The following CAMTA1 variants were observed in gnomAD, a reference collection of about 807,000 sequenced individuals.
The protein encoded by CAMTA1 is calmodulin binding transcription activator 1.
In CAMTA1, 27 loss-of-function variants were observed where a neutral mutation model predicts 170.9. The ratio of observed to expected loss-of-function variants is 0.16; its 90% CI spans 0.12 to 0.22. The LOEUF (loss-of-function observed/expected upper bound fraction) is 0.22. CAMTA1 is among the 10% of genes least tolerant of loss of function. CAMTA1 has a pLI of 1.00. For synonymous variants in CAMTA1, 833 were observed against 891.5 expected, an observed-to-expected ratio of 0.93 and a Z score of 1.17; for missense variants, 1,619 against 2,217.2, an observed-to-expected ratio of 0.73 and a Z score of 5.42.
intron 5 of CAMTA1, among the ~76,000 whole-genome samples, chr1:7,335,647 T>A (rs2083334822): frequency 6.6e-6 from 1 of 152,098 alleles, no homozygotes; most frequent in African/African-American, 2.4e-5. Context: ...AGGCCAGGAT[T>A]TATACTCAGA....
At chr1:7,484,956 C>G (rs2093598230) in intron 6 of CAMTA1, among the ~76,000 whole-genome samples, 1 of 152,140 alleles carries the variant, frequency 6.6e-6, no homozygotes, top group African/African-American at 2.4e-5. Flanking sequence ...CCCACCAGGC[C>G]ACTGCTTCCA....
chr1:6,929,553 C>CG (rs1684004186), intron 3 of CAMTA1, among the ~76,000 whole-genome samples: 1 of 152,164 alleles, frequency 6.6e-6, no homozygotes, highest in Non-Finnish European at 1.5e-5. Context: ...TTGGTAGAGA[C>CG]GGGGTTTCAC....
At chr1:7,672,332 C>G (rs576743990) in intron 10 of CAMTA1, among the ~76,000 whole-genome samples, 1 of 152,290 alleles carries the variant, frequency 6.6e-6, no homozygotes, top group African/African-American at 2.4e-5. Context: ...CTGCCACCAC[C>G]ACCCCACCCT....
chr1:6,853,436 A>C (rs1047644114), intron 3 of CAMTA1, among the ~76,000 whole-genome samples: 2 of 152,174 alleles, frequency 1.3e-5, no homozygotes, highest in Admixed American at 6.5e-5. Flanking sequence ...GTAATTAACA[A>C]ATTAATAGAG....
At position 7,397,758 on chromosome 1, in the gene CAMTA1, T is replaced by C. The variant is rs1312884626; in HGVS notation, c.439-70072T>C. Among the ~76,000 whole-genome samples, 4 of 152,138 alleles carry C rather than the reference T, an allele frequency of 2.6e-5. No individual in the cohort carries two copies. The East Asian group carries it at 7.7e-4, about 29-fold the overall frequency. The stretch of plus-strand genomic sequence containing the variant: ...ATCCATTGGTAATTCATGGGCGTGT[T>C]GTTTAATTTTCATGTATTCATATGG... On this transcript the variant is annotated intron_variant, in intron 5 of 22. Transcript: ENST00000303635.
At position 7,300,866 on chromosome 1, in the gene CAMTA1, A is replaced by C. The variant is rs1412052936; in HGVS notation, c.438+51240A>C. On this transcript the variant is annotated intron_variant, in intron 5 of 22. Coordinates refer to ENST00000303635, the MANE Select transcript of CAMTA1 (RefSeq NM_015215.4). The surrounding 1 kb of genome is among the most constrained non-coding windows in gnomAD (Gnocchi z 4.1). ...TGCACTCAAAGTAAATATTAATTCC[A>C]TTATGCCATAAACTTTTATTTATCA... Among the ~76,000 whole-genome samples the C allele has an allele frequency of 6.6e-6, 1 of 152,198 alleles. No homozygotes were observed. Among genetic ancestry groups the C allele is most frequent in the African/African-American group, 2.4e-5 (1 of 41,446 alleles).
intron 4 of CAMTA1, among the ~76,000 whole-genome samples, chr1:7,110,110 G>A (rs1643921854): frequency 6.6e-6 from 1 of 152,170 alleles, no homozygotes; most frequent in Non-Finnish European, 1.5e-5. Context: ...CCTGGATCGT[G>A]TTCCTGGGCT....
chr1:6,819,281 G>T (rs1040810227), intron 1 of CAMTA1, among the ~76,000 whole-genome samples: 3 of 150,904 alleles, frequency 2.0e-5, no homozygotes, highest in Admixed American at 6.7e-5. Context: ...AAAATAATTG[G>T]CCGTCAATAT....
intron 4 of CAMTA1, among the ~76,000 whole-genome samples, chr1:7,196,766 CT>C (rs1186306387): frequency 6.6e-6 from 1 of 152,164 alleles, no homozygotes; most frequent in African/African-American, 2.4e-5. Flanking sequence ...TCTCTCATGT[CT>C]AGGAGTAAGA....
chr1:6,786,724 C>G lies in CAMTA1; in HGVS notation c.45+1149C>G, dbSNP rs1433599373. 2.6e-5 allele frequency among the ~76,000 whole-genome samples: 4 copies of G among 152,100 alleles called. No homozygotes were observed. The South Asian group carries it at 6.2e-4, about 24-fold the overall frequency. ...TGGAGACAACTGGACGTTCACCGTG[C>G]TCCTTTCGCCATTTGTGTGTCTACA... On this transcript the variant is annotated intron_variant, in intron 1 of 22. Transcript: ENST00000303635.
intron 3 of CAMTA1, among the ~76,000 whole-genome samples, chr1:6,979,837 C>T (rs1028845631): frequency 2.0e-5 from 3 of 151,404 alleles, no homozygotes; most frequent in Admixed American, 6.6e-5. Context: ...ACTGTCCTCT[C>T]ATGGTGGTGT....
intron 3 of CAMTA1, among the ~76,000 whole-genome samples, chr1:6,880,762 G>A (rs1245346375): frequency 6.6e-6 from 1 of 151,942 alleles, no homozygotes; most frequent in Admixed American, 6.6e-5. Flanking sequence ...GGAGTGTTCT[G>A]CCCACCCCAG....
At chr1:7,407,108 C>T (rs1016214997) in intron 5 of CAMTA1, among the ~76,000 whole-genome samples, 12 of 152,204 alleles carry the variant, frequency 7.9e-5, no homozygotes, top group African/African-American at 1.9e-4. Flanking sequence ...TGAAGGCAGG[C>T]GGCCAAGCAG....
At chr1:7,204,790 T>C (rs1657363053) in intron 4 of CAMTA1, among the ~76,000 whole-genome samples, 2 of 150,296 alleles carry the variant, frequency 1.3e-5, no homozygotes, top group Non-Finnish European at 3.0e-5. Context: ...ATTATTGTTA[T>C]TATTTTGGGT....
intron 4 of CAMTA1, among the ~76,000 whole-genome samples, chr1:7,121,983 C>G (rs1283337032): frequency 1.3e-5 from 2 of 151,980 alleles, no homozygotes; most frequent in African/African-American, 4.8e-5. Flanking sequence ...GTCAGTCACT[C>G]CCCCTGGCTC....
intron 5 of CAMTA1, among the ~76,000 whole-genome samples, chr1:7,343,666 TC>T (rs1447048373): frequency 1.3e-5 from 2 of 152,210 alleles, no homozygotes; most frequent in Non-Finnish European, 2.9e-5. Flanking sequence ...CCAAAGGTCA[TC>T]ACAACCCTGA....
chr1:7,197,628 CCACACACACACACACACA>C lies in CAMTA1; in HGVS notation c.303-51830_303-51813del, dbSNP rs3222484. Among the ~76,000 whole-genome samples, 359 of 109,872 alleles carry C rather than the reference CCACACACACACACACACA, an allele frequency of 3.3e-3. 2 individuals are homozygous for C. The highest frequency in any genetic ancestry group is 9.4e-3 in the African/African-American group (304 of 32,494). The allele number at this position is 109,872 out of a possible 152,430, so 72.1% of individuals were successfully genotyped here. On this transcript the variant is annotated intron_variant, in intron 4 of 22. Transcript: ENST00000303635. ...AGGACACTCAAATTATTGTCCCCCA[CCACACACACACACACACA>C]CACACACACACACACACACACACAC...
At chr1:6,898,423 G>A (rs1313027830) in intron 3 of CAMTA1, among the ~76,000 whole-genome samples, 1 of 152,124 alleles carries the variant, frequency 6.6e-6, no homozygotes, top group African/African-American at 2.4e-5. Flanking sequence ...CATGGTGGCG[G>A]GTGCCTGTAG....
At chr1:7,558,975 C>T (rs980387258) in intron 6 of CAMTA1, among the ~76,000 whole-genome samples, 8 of 152,310 alleles carry the variant, frequency 5.3e-5, no homozygotes, top group Admixed American at 3.9e-4. Flanking sequence ...CTCGGACCCC[C>T]GTCCCCCCTG....
Sources: allele counts gnomAD v4.1 joint callset (sites outside exome capture counted in the v4.1 genomes callset), GRCh38; gene constraint gnomAD v4.1.1; non-coding constraint Gnocchi (gnomAD v3.1); transcripts MANE v1.5; gene names NCBI Gene and HGNC (gene_info 2026-07-23, HGNC 2026-07-21).